Variants in VGLL3 observed in about 807,000 individuals in gnomAD.
VGLL3 encodes the protein vestigial like family member 3, also known as transcription cofactor vestigial-like protein 3.
Under a neutral mutation model 29.2 loss-of-function variants are expected in VGLL3, and 18 were observed. That is an observed-to-expected ratio of 0.62 (90% CI 0.43 to 0.91). The LOEUF is 0.91. VGLL3 is among the 40% of genes least tolerant of loss of function. The pLI is 0.00. For synonymous variants in VGLL3, 180 were observed against 151.8 expected (o/e 1.19, Z -1.36); for missense variants, 440 against 413.2 (o/e 1.06, Z -0.56).
intron 1 of VGLL3, among the ~76,000 whole-genome samples, chr3:86,981,543 C>T (rs923089520): frequency 6.6e-6 from 1 of 151,292 alleles, no homozygotes; most frequent in Non-Finnish European, 1.5e-5. Context: ...TGAAATATTC[C>T]TTTTTGATAT....
intron 3 of VGLL3, among the ~76,000 whole-genome samples, chr3:86,952,025 A>G (rs1430517155): frequency 6.6e-6 from 1 of 152,176 alleles, no homozygotes; most frequent in African/African-American, 2.4e-5. Context: ...ACAGCAGTCC[A>G]GGATAAGAAT....
At chr3:86,979,641 C>T (rs1042552533) in intron 1 of VGLL3, among the ~76,000 whole-genome samples, 13 of 152,048 alleles carry the variant, frequency 8.5e-5, no homozygotes, top group South Asian at 2.1e-4. Context: ...TATAACATGG[C>T]TATTAATACT....
chr3:86,947,933 C>T (rs1199462853), intron 3 of VGLL3, among the ~76,000 whole-genome samples: 1 of 151,458 alleles, frequency 6.6e-6, no homozygotes, highest in African/African-American at 2.4e-5. Flanking sequence ...TGCACGTACT[C>T]GAAGTTACTT....
chr3:86,968,414 G>C (rs925436017), intron 3 of VGLL3, among the ~76,000 whole-genome samples, 176 bp downstream of exon 3: 9 of 152,178 alleles, frequency 5.9e-5, no homozygotes, highest in Admixed American at 5.9e-4. Flanking sequence ...GATTTCATGA[G>C]CTAGTCATAC....
chr3:86,961,114 A>G (rs1029865939), intron 3 of VGLL3, among the ~76,000 whole-genome samples: 9 of 151,982 alleles, frequency 5.9e-5, no homozygotes, highest in Admixed American at 6.6e-5. Context: ...GATATTTATA[A>G]CAAAATTGTA....
At chr3:86,953,916 A>T (rs989802514) in intron 3 of VGLL3, among the ~76,000 whole-genome samples, 6 of 152,324 alleles carry the variant, frequency 3.9e-5, no homozygotes, top group African/African-American at 1.4e-4. Flanking sequence ...AAGTAATCAC[A>T]AATAAGGTGT....
Position 86,941,439 on chromosome 3 carries a change from T to C in VGLL3, c.*5585A>G, listed in dbSNP as rs1339210485. ...ATTATTCTTATGCCAAATTTAGTAG[T>C]CTAGAAATTGTTTTTTTTTTTAAAA... On this transcript the variant is annotated 3_prime_UTR_variant, in exon 4 of 4. Coordinates refer to ENST00000398399, the MANE Select transcript of VGLL3 (RefSeq NM_016206.4). The C allele has an allele frequency of 6.6e-6, 1 of 152,306 alleles. No homozygotes were observed. Among genetic ancestry groups the C allele is most frequent in the East Asian group, 1.9e-4 (1 of 5,162 alleles). 9.4% of individuals were successfully genotyped at this position (152,306 alleles called of 1,614,324 possible). A position where few individuals can be genotyped will look rare whatever the true frequency, so the allele number is the denominator to read the frequency against.
chr3:86,970,154 G>T (rs151042103), intron 2 of VGLL3, among the ~76,000 whole-genome samples: 1 of 152,182 alleles, frequency 6.6e-6, no homozygotes, highest in East Asian at 1.9e-4. Flanking sequence ...GAATAAGAAA[G>T]AAAACGATCC....
chr3:86,976,161 A>G (rs1055325371), intron 2 of VGLL3, among the ~76,000 whole-genome samples: 1 of 152,024 alleles, frequency 6.6e-6, no homozygotes, highest in African/African-American at 2.4e-5. Context: ...ATTACTTTGC[A>G]TTTCATTCAC....
rs2106940649 is a variant in VGLL3 at position 86,940,268 on chromosome 3, G to A, written c.*6756C>T. On this transcript the variant is annotated 3_prime_UTR_variant, in exon 4 of 4. Transcript: ENST00000398399. ...ATGAATCGTAGAAAAGTTTTTGTTT[G>A]TTTTTTCATACTACTTATGGCAGAG... 6.6e-6 allele frequency: 1 copy of A among 152,432 alleles called. No homozygotes were observed. Among genetic ancestry groups the A allele is most frequent in the Admixed American group, 6.5e-5 (1 of 15,282 alleles). 9.4% of individuals were successfully genotyped at this position (152,432 alleles called of 1,614,324 possible). A position where few individuals can be genotyped will look rare whatever the true frequency, so the allele number is the denominator to read the frequency against.
intron 3 of VGLL3, among the ~76,000 whole-genome samples, chr3:86,950,215 T>C (rs1192470307): frequency 6.6e-6 from 1 of 152,192 alleles, no homozygotes; most frequent in African/African-American, 2.4e-5. Flanking sequence ...TTTAGTTCTG[T>C]TGTTCAGACT....
intron 1 of VGLL3, among the ~76,000 whole-genome samples, chr3:86,988,899 T>A (rs1705518619): frequency 6.6e-6 from 1 of 151,976 alleles, no homozygotes. Flanking sequence ...TTTTATTTTA[T>A]TTTTTACTTT....
intron 1 of VGLL3, among the ~76,000 whole-genome samples, chr3:86,985,516 T>C (rs1028437572): frequency 1.3e-5 from 2 of 152,186 alleles, no homozygotes; most frequent in Non-Finnish European, 2.9e-5. Flanking sequence ...AGACCACACT[T>C]GTAAATTACT....
chr3:86,989,292 G>C (rs185664848), intron 1 of VGLL3, among the ~76,000 whole-genome samples: 268 of 152,266 alleles, frequency 1.8e-3, no homozygotes, highest in Non-Finnish European at 3.2e-3. Context: ...GAGATGCTTT[G>C]AAATGCTGGT....
At chr3:86,976,680 G>A (rs1251448880) in intron 2 of VGLL3, among the ~76,000 whole-genome samples, 4 of 152,146 alleles carry the variant, frequency 2.6e-5, no homozygotes, top group African/African-American at 9.7e-5. Context: ...ATGTGTTGTA[G>A]GGTTTCTGCA....
rs1704425536 is a variant in VGLL3 at position 86,942,784 on chromosome 3, T to C, written c.*4240A>G. 1 of 152,146 alleles carries C rather than the reference T, an allele frequency of 6.6e-6. No homozygotes were observed. The highest frequency in any genetic ancestry group is 2.1e-4 in the South Asian group (1 of 4,830). 9.4% of individuals were successfully genotyped at this position (152,146 alleles called of 1,614,324 possible). Reference sequence around the variant, plus strand: ...ACGTACATTTATCTCCTATACCAGGTAGAAGGAACAGTTAGTAGGAGAAAA... The same window carrying C: ...ACGTACATTTATCTCCTATACCAGGCAGAAGGAACAGTTAGTAGGAGAAAA... On this transcript the variant is annotated 3_prime_UTR_variant, in exon 4 of 4. Coordinates refer to ENST00000398399, the MANE Select transcript of VGLL3 (RefSeq NM_016206.4).
At chr3:86,967,158 A>G (rs1224279098) in intron 3 of VGLL3, among the ~76,000 whole-genome samples, 2 of 152,066 alleles carry the variant, frequency 1.3e-5, no homozygotes, top group Non-Finnish European at 2.9e-5. Flanking sequence ...TTTGCCTGCT[A>G]AGAGCATTGT....
At chr3:86,968,371 T>C (rs1705008373) in intron 3 of VGLL3, among the ~76,000 whole-genome samples, 1 of 152,158 alleles carries the variant, frequency 6.6e-6, no homozygotes, top group South Asian at 2.1e-4. Context: ...ACCTAAGATA[T>C]GAGAGAAAAG....
At chr3:86,974,811 G>A (rs972702211) in intron 2 of VGLL3, among the ~76,000 whole-genome samples, 1 of 152,084 alleles carries the variant, frequency 6.6e-6, no homozygotes, top group African/African-American at 2.4e-5. Context: ...CATTGCCATG[G>A]CCACTAACAT....
Sources: gnomAD v4.1 joint callset for allele counts (sites outside exome capture counted in the v4.1 genomes callset) on GRCh38, gnomAD v4.1.1 for gene constraint, MANE v1.5 for transcripts, NCBI Gene and HGNC (gene_info 2026-07-23, HGNC 2026-07-21) for gene names.